SLAMF1: variants seen among roughly 807,000 people sequenced by gnomAD.
SLAMF1 encodes signaling lymphocytic activation molecule family member 1.
A neutral mutation model predicts 35.1 loss-of-function variants in SLAMF1; 18 were observed. That is an observed-to-expected ratio of 0.51 (90% confidence interval 0.35 to 0.76). SLAMF1 has a LOEUF of 0.76. Ranked by LOEUF, SLAMF1 falls within the 30% of genes least tolerant of loss-of-function variation. The pLI is 0.01. For missense variants in SLAMF1, 392 were observed against 413.0 expected (o/e 0.95, Z 0.44); for synonymous variants, 168 against 157.2 (o/e 1.07, Z -0.51).
intron 6 of SLAMF1, among the ~76,000 whole-genome samples, chr1:160,611,998 G>A (rs2102254945): frequency 6.6e-6 from 1 of 152,194 alleles, no homozygotes; most frequent in African/African-American, 2.4e-5. Context: ...AGAATCCTAG[G>A]TGGAAGTCCC....
rs918515709 is a variant in SLAMF1 at position 160,619,915 on chromosome 1, T to G, written c.791-66A>C. 12 of 1,047,766 alleles carry G rather than the reference T, an allele frequency of 1.1e-5. No individual in the cohort carries two copies. The African/African-American group carries it at 1.9e-4, about 16-fold the overall frequency. 64.9% of individuals were successfully genotyped at this position (1,047,766 alleles called of 1,614,324 possible). A position where few individuals can be genotyped will look rare whatever the true frequency, so the allele number is the denominator to read the frequency against. ...CCAGCAGGAGCTCCTTACTCAGACC[T>G]GGTCTTTACTGTCCTTTGCATACCC... On this transcript the variant is annotated intron_variant, in intron 4 of 6. Transcript: ENST00000302035.
intron 3 of SLAMF1, among the ~76,000 whole-genome samples, chr1:160,626,705 T>C (rs1473161348): frequency 6.6e-6 from 1 of 152,182 alleles, no homozygotes; most frequent in East Asian, 1.9e-4. Context: ...CTTTAGCCTC[T>C]GGAGATGCGG....
chr1:160,626,270 G>A (rs185083279), intron 3 of SLAMF1, among the ~76,000 whole-genome samples: 1 of 152,100 alleles, frequency 6.6e-6, no homozygotes, highest in African/African-American at 2.4e-5. Context: ...TCTCCCTCGC[G>A]CCCGACGCCG....
chr1:160,643,131 A>T (rs1660842024), intron 1 of SLAMF1, among the ~76,000 whole-genome samples: 1 of 152,140 alleles, frequency 6.6e-6, no homozygotes, highest in Non-Finnish European at 1.5e-5. Context: ...AGAAACAAGG[A>T]CAAATTATTT....
intron 1 of SLAMF1, among the ~76,000 whole-genome samples, chr1:160,643,227 G>A (rs1430711432): frequency 1.3e-5 from 2 of 152,156 alleles, no homozygotes; most frequent in East Asian, 3.8e-4. Context: ...TTGGTAGGTA[G>A]ATAAATCTCT....
chr1:160,621,855 C>CGTGTGTGTGTGTGTGTGT lies in SLAMF1; in HGVS notation c.791-2024_791-2007dup, dbSNP rs59676823. Among the ~76,000 whole-genome samples the CGTGTGTGTGTGTGTGTGT allele has an allele frequency of 1.7e-3, 249 of 145,294 alleles. 2 individuals carry two copies. The highest frequency in any genetic ancestry group is 0.01 in the Middle Eastern group (3 of 294). The stretch of plus-strand genomic sequence containing the variant: ...CCTGACTGAGGAGTGTGCGTGAGTG[C>CGTGTGTGTGTGTGTGTGT]GTGTGTGTGTGTGTGTGTGTGTGTG... On this transcript the variant is annotated intron_variant, in intron 4 of 6. Transcript: ENST00000302035.
chr1:160,612,676 G>A (rs1659055164), intron 5 of SLAMF1, 96 bp from the exon 6 acceptor site: 1 of 717,572 alleles, frequency 1.4e-6, no homozygotes. Context: ...GAAGACTTGA[G>A]GCAGAAAGTT....
intron 3 of SLAMF1, among the ~76,000 whole-genome samples, chr1:160,632,836 T>G (rs536996585): frequency 6.8e-4 from 104 of 152,348 alleles, no homozygotes; most frequent in African/African-American, 2.5e-3. Context: ...GTGCTTTATC[T>G]CTTTCACTAA....
At chr1:160,625,824 A>AGT (rs3223445) in intron 3 of SLAMF1, among the ~76,000 whole-genome samples, 3,303 of 145,222 alleles carry the variant, frequency 0.023, 41 homozygotes, top group Admixed American at 0.039. Flanking sequence ...TCTGTGCAGG[A>AGT]GTGTGTGTGT....
chr1:160,645,668 A>G (rs1472177829), intron 1 of SLAMF1, among the ~76,000 whole-genome samples: 1 of 152,182 alleles, frequency 6.6e-6, no homozygotes, highest in African/African-American at 2.4e-5. Flanking sequence ...CCCTGTGACC[A>G]CTTAAAGTGG....
intron 5 of SLAMF1, 152 bp downstream of exon 5, chr1:160,619,624 G>A: frequency 1.5e-6 from 1 of 662,952 alleles, no homozygotes; most frequent in South Asian, 1.8e-5. Flanking sequence ...CTGACGTTTA[G>A]TGACTTTAGG....
At chr1:160,623,916 C>G (rs1391251494) in intron 4 of SLAMF1, among the ~76,000 whole-genome samples, 180 bp downstream of exon 4, 1 of 152,130 alleles carries the variant, frequency 6.6e-6, no homozygotes, top group African/African-American at 2.4e-5. Flanking sequence ...TAGAGGGGAT[C>G]AAGACATGTT....
Position 160,634,770 on chromosome 1 carries a change from G to A in SLAMF1, c.543C>T (p.Gly181=). 1 of 1,614,162 alleles carries A rather than the reference G, an allele frequency of 6.2e-7. No individual in the cohort carries two copies. Among genetic ancestry groups the A allele is most frequent in the Non-Finnish European group, 8.5e-7 (1 of 1,180,030 alleles). The change falls in exon 3 of 7, where the codon GGC becomes GGT. Residue 181 remains glycine, a synonymous_variant. Coordinates refer to ENST00000302035, the MANE Select transcript of SLAMF1 (RefSeq NM_003037.5). ...TGTTGGCTGGGTTCAGTGGGTGGGTGCCCGCCTTTTCACTCCAGCTGTAAG... is the reference window on the plus strand; with the variant it reads ...TGTTGGCTGGGTTCAGTGGGTGGGTACCCGCCTTTTCACTCCAGCTGTAAG... ...HVAYSWSEKA[G]THPLNPANSS... is the part of the protein sequence containing the mutation.
chr1:160,622,566 C>A (rs1659671058), intron 4 of SLAMF1, among the ~76,000 whole-genome samples: 1 of 152,128 alleles, frequency 6.6e-6, no homozygotes, highest in African/African-American at 2.4e-5. Context: ...GTCTATCTGT[C>A]TATGTATCTA....
rs1277325228 is a variant in SLAMF1, at chr1:160,608,425, G to T, written c.*2323C>A. The T allele has an allele frequency of 6.6e-6, 1 of 152,218 alleles. No individual in the cohort carries two copies. Among genetic ancestry groups the T allele is most frequent in the Non-Finnish European group, 1.5e-5 (1 of 68,046 alleles). 9.4% of individuals were successfully genotyped at this position (152,218 alleles called of 1,614,324 possible). On this transcript the variant is annotated 3_prime_UTR_variant, in exon 7 of 7. Transcript: ENST00000302035. The stretch of plus-strand genomic sequence containing the variant: ...TTATTGTTTTAAGTCTGAGGAAAAG[G>T]CAAGCTCCCGCTCCCCATAGTGCCA...
intron 3 of SLAMF1, among the ~76,000 whole-genome samples, chr1:160,624,387 A>G (rs1659771984): frequency 6.6e-6 from 1 of 152,116 alleles, no homozygotes; most frequent in Non-Finnish European, 1.5e-5. Flanking sequence ...TTCTCTCACT[A>G]TACTTTCACA....
chr1:160,612,279 C>T (rs369301207), intron 6 of SLAMF1, among the ~76,000 whole-genome samples: 4 of 151,086 alleles, frequency 2.6e-5, no homozygotes, highest in African/African-American at 4.9e-5. Flanking sequence ...TAAGTTCAGG[C>T]GTACATGTGC....
At chr1:160,626,713 C>G (rs1035589509) in intron 3 of SLAMF1, among the ~76,000 whole-genome samples, 1 of 152,052 alleles carries the variant, frequency 6.6e-6, no homozygotes, top group Non-Finnish European at 1.5e-5. Flanking sequence ...TCTGGAGATG[C>G]GGTCCCCATA....
intron 1 of SLAMF1, among the ~76,000 whole-genome samples, chr1:160,638,808 C>A (rs528249705): frequency 6.6e-6 from 1 of 152,300 alleles, no homozygotes; most frequent in Non-Finnish European, 1.5e-5. Flanking sequence ...CTCCTTCAAA[C>A]GCTGTCATCA....
Sources: gnomAD v4.1 joint callset for allele counts (sites outside exome capture counted in the v4.1 genomes callset) on GRCh38, gnomAD v4.1.1 for gene constraint, MANE v1.5 for transcripts, NCBI Gene and HGNC (gene_info 2026-07-23, HGNC 2026-07-21) for gene names.